NFATC4: variants seen among roughly 807,000 people sequenced by gnomAD.
NFATC4 encodes the protein nuclear factor of activated T-cells, cytoplasmic 4.
NFATC4 carries 25 observed loss-of-function variants against 73.4 expected under a neutral mutation model. That is an observed-to-expected ratio of 0.34 (90% confidence interval 0.25 to 0.48). NFATC4 has a LOEUF of 0.48. Among genes scored for constraint, NFATC4 ranks in the 20% least tolerant of loss-of-function variants. NFATC4 has a pLI of 0.99. For synonymous variants in NFATC4, 523 were observed against 510.3 expected, an observed-to-expected ratio of 1.02 and a Z score of -0.34; for missense variants, 1,130 against 1,203.7, an observed-to-expected ratio of 0.94 and a Z score of 0.91.
chr14:24,367,388 A>G, upstream of NFATC4: 1 of 1,535,678 alleles, frequency 6.5e-7, no homozygotes, highest in Non-Finnish European at 8.7e-7. Flanking sequence ...TCTAGGGAGG[A>G]GGCTGCCAAC....
At chr14:24,370,837 C>A (rs1417752765) in intron 2 of NFATC4, among the ~76,000 whole-genome samples, 1 of 152,204 alleles carries the variant, frequency 6.6e-6, no homozygotes, top group Non-Finnish European at 1.5e-5. Context: ...CCCCTCCACC[C>A]TCCCACCCCT....
Position 24,370,148 on chromosome 14 carries a change from C to G in NFATC4, c.750C>G (p.Leu250=). ...GGCCAGAGGATAGCTGGCTACTCCT[C>G]AGTGCTCCTGGGCCCACCCCAGCCT... ...GRGPEDSWLL[L]SAPGPTPASP... is the part of the protein sequence containing the mutation. Residue 250 remains leucine, a synonymous_variant, in exon 2 of 10, where the codon CTC becomes CTG. Coordinates refer to ENST00000250373, the MANE Select transcript of NFATC4 (RefSeq NM_004554.5). 1 of 1,603,798 alleles carries G rather than the reference C, an allele frequency of 6.2e-7. No individual in the cohort carries two copies. Among genetic ancestry groups the G allele is most frequent in the Non-Finnish European group, 8.5e-7 (1 of 1,179,712 alleles).
chr14:24,375,623 T>C, intron 6 of NFATC4, 37 bp from the exon 7 acceptor site: 1 of 1,550,880 alleles, frequency 6.4e-7, no homozygotes, highest in Non-Finnish European at 8.7e-7. Flanking sequence ...ACAGGGGCGC[T>C]GGAGTTGGGC....
chr14:24,377,850 C>A lies in NFATC4; in HGVS notation c.*145C>A. 1 of 1,463,370 alleles carries A rather than the reference C, an allele frequency of 6.8e-7. No homozygotes were observed. The highest frequency in any genetic ancestry group is 9.1e-7 in the Non-Finnish European group (1 of 1,094,546). The allele number at this position is 1,463,370 out of a possible 1,614,324, so 90.6% of individuals were successfully genotyped here. A position where few individuals can be genotyped will look rare whatever the true frequency, so the allele number is the denominator to read the frequency against. Reference sequence around the variant, plus strand: ...GCTTCTGTCTGTCTCACTGTCTTCCCTCCCCTCCCCCAGCTGAGGTGTGGC... The same window carrying A: ...GCTTCTGTCTGTCTCACTGTCTTCCATCCCCTCCCCCAGCTGAGGTGTGGC... On this transcript the variant is annotated 3_prime_UTR_variant, in exon 10 of 10. Coordinates refer to ENST00000250373, the MANE Select transcript of NFATC4 (RefSeq NM_004554.5). The surrounding 1 kb of genome is among the most constrained non-coding windows in gnomAD (Gnocchi z 4.2).
Position 24,378,565 on chromosome 14 carries a change from T to C in NFATC4, c.*860T>C, listed in dbSNP as rs2042690718. On this transcript the variant is annotated 3_prime_UTR_variant, in exon 10 of 10. Transcript: ENST00000250373. ...CGCTGACTCAGGAGGTCCAGGCCTC[T>C]AAGGCTTCTCTCCCTGGAGTGAGGG... The C allele has an allele frequency of 6.5e-6, 1 of 152,784 alleles. No individual in the cohort carries two copies. Among genetic ancestry groups the C allele is most frequent in the Non-Finnish European group, 1.5e-5 (1 of 68,076 alleles). The allele number at this position is 152,784 out of a possible 1,614,324, so 9.5% of individuals were successfully genotyped here.
chr14:24,377,795 T>C lies in NFATC4; in HGVS notation c.*90T>C. Reference sequence around the variant, plus strand: ...TTCCTGGAGTGGTGGCTACAGAAGCTTGGGGCCAACCCTGGCTCCTCTTTC... The same window carrying C: ...TTCCTGGAGTGGTGGCTACAGAAGCCTGGGGCCAACCCTGGCTCCTCTTTC... On this transcript the variant is annotated 3_prime_UTR_variant, in exon 10 of 10. Transcript: ENST00000250373. This position sits in a 1 kb window ranked among gnomAD's most constrained non-coding sequence, Gnocchi z 4.2. The C allele has an allele frequency of 4.4e-6, 7 of 1,603,676 alleles. No homozygotes were observed. Among genetic ancestry groups the C allele is most frequent in the Non-Finnish European group, 6.0e-6 (7 of 1,173,994 alleles).
chr14:24,375,966 C>T lies in NFATC4; in HGVS notation c.1930-9C>T, dbSNP rs897449309. 1.2e-6 allele frequency: 2 copies of T among 1,613,894 alleles called. No homozygotes were observed. Among genetic ancestry groups the T allele is most frequent in the Admixed American group, 1.7e-5 (1 of 60,018 alleles). ...GAGGGCTCCCTGCCTCATTTTTACT[C>T]TTCCCTAGGTGACGCTGACCCTGAC... On this transcript the variant is annotated splice_polypyrimidine_tract_variant and intron_variant, in intron 7 of 9. Transcript: ENST00000250373.
In NFATC4 at chr14:24,373,855, C is replaced by T. The variant is rs774413775; in HGVS notation, c.1720C>T (p.Pro574Ser). 2 of 1,614,010 alleles carry T rather than the reference C, an allele frequency of 1.2e-6. No homozygotes were observed. The highest frequency in any genetic ancestry group is 3.3e-5 in the Admixed American group (2 of 60,028). Reference protein sequence around the residue: ...KVVSVQAASVPIECSQRSAQE... With the variant: ...KVVSVQAASVSIECSQRSAQE... The stretch of plus-strand genomic sequence containing the variant: ...CGTCTCAGTACAGGCAGCATCGGTG[C>T]CCATCGAGTGCTGTGAGCAAAGAGG... The change falls in exon 5 of 10, where the codon CCC becomes TCC. Residue 574 changes from proline (P) to serine (S), a missense_variant. This residue lies in a region of NFATC4 where 155 missense variants were observed against 221.2 expected (regional missense o/e 0.70). Coordinates refer to ENST00000250373, the MANE Select transcript of NFATC4 (RefSeq NM_004554.5). The surrounding 1 kb of genome is among the most constrained non-coding windows in gnomAD (Gnocchi z 4.7).
At chr14:24,368,546 T>A in intron 1 of NFATC4, 106 bp downstream of exon 1, 29 of 799,790 alleles carry the variant, frequency 3.6e-5, no homozygotes, top group South Asian at 6.1e-5. Context: ...GGTGAGGGAG[T>A]CAGAGGTCGA....
At chr14:24,374,696 G>T in intron 6 of NFATC4, 1 of 466,726 alleles carries the variant, frequency 2.1e-6, no homozygotes, top group African/African-American at 2.0e-5. Context: ...TGCACATTCT[G>T]TCTAATAAAG....
In NFATC4 at chr14:24,370,574, G is replaced by C; in HGVS notation, c.1176G>C (p.Gly392=). Reference sequence around the variant, plus strand: ...TCGCTTGGTCCAAGGCCCGGATTGGGGGACACAGCCCTATCTTCAGGTGAG... The same window carrying C: ...TCGCTTGGTCCAAGGCCCGGATTGGCGGACACAGCCCTATCTTCAGGTGAG... ...SPLAWSKARI[G]GHSPIFRTSA... is the part of the protein sequence containing the mutation. The change falls in exon 2 of 10, where the codon GGG becomes GGC. Residue 392 remains glycine (G), a synonymous_variant. Coordinates refer to ENST00000250373, the MANE Select transcript of NFATC4 (RefSeq NM_004554.5). 6.2e-7 allele frequency: 1 copy of C among 1,610,746 alleles called. No individual in the cohort carries two copies.
intron 6 of NFATC4, 78 bp downstream of exon 6, chr14:24,374,544 T>C: frequency 1.4e-6 from 2 of 1,442,664 alleles, no homozygotes; most frequent in Non-Finnish European, 1.9e-6. Context: ...GCATTGTCAC[T>C]AAACTGGCCA....
chr14:24,377,602 C>T lies in NFATC4; in HGVS notation c.2642-36C>T. 1 of 1,614,076 alleles carries T rather than the reference C, an allele frequency of 6.2e-7. No homozygotes were observed. The highest frequency in any genetic ancestry group is 8.5e-7 in the Non-Finnish European group (1 of 1,179,998). ...GTCTTTGGAAAAGGAGGGGACCCAC[C>T]TCTAGCCCAGTCTCTCAACTGCCCC... On this transcript the variant is annotated intron_variant, in intron 9 of 9. Transcript: ENST00000250373. The surrounding 1 kb of genome is among the most constrained non-coding windows in gnomAD (Gnocchi z 4.2).
chr14:24,373,200 C>T lies in NFATC4; in HGVS notation c.1389C>T (p.Thr463=). The T allele has an allele frequency of 6.2e-7, 1 of 1,614,190 alleles. No homozygotes were observed. The part of the protein sequence containing the change: ...KLLGYSEKPL[T]LQMFIGTADE... ...TAGGCTACAGTGAGAAGCCACTGAC[C>T]CTACAGATGTTCATCGGCACTGCAG... The change falls in exon 4 of 10, where the codon ACC becomes ACT. Residue 463 remains threonine, a synonymous_variant. Coordinates refer to ENST00000250373, the MANE Select transcript of NFATC4 (RefSeq NM_004554.5). This position sits in a 1 kb window ranked among gnomAD's most constrained non-coding sequence, Gnocchi z 4.7.
At chr14:24,368,541 G>A in intron 1 of NFATC4, 101 bp downstream of exon 1, 1 of 1,175,452 alleles carries the variant, frequency 8.5e-7, no homozygotes. Context: ...TGGGGGGTGA[G>A]GGAGTCAGAG....
rs1484891401 is a variant in NFATC4, at chr14:24,370,287, C to A, written c.889C>A (p.Pro297Thr). ...CAGCCTGGGGGAAGAGGGGTCTGAG[C>A]CACCTCCACCACCCCCATTGCCTCT... ...RGSLGEEGSE[P>T]PPPPPLPLAR... The change falls in exon 2 of 10, where the codon CCA becomes ACA. Residue 297 changes from proline to threonine, a missense_variant. Around this residue, in one of 3 missense-constraint regions of NFATC4, gnomAD observed 585 missense variants for 574.3 expected, o/e 1.02. Coordinates refer to ENST00000250373, the MANE Select transcript of NFATC4 (RefSeq NM_004554.5). 2 of 1,611,646 alleles carry A rather than the reference C, an allele frequency of 1.2e-6. No individual in the cohort carries two copies. The highest frequency in any genetic ancestry group is 1.7e-6 in the Non-Finnish European group (2 of 1,178,726).
Position 24,372,570 on chromosome 14 carries a change from C to G in NFATC4, c.1326C>G (p.Val442=). The change falls in exon 3 of 10, where the codon GTC becomes GTG. Residue 442 remains valine (V), a synonymous_variant. Transcript: ENST00000250373. Reference sequence around the variant, plus strand: ...AGACAGAAGGCAGCCGTGGAGCTGTCAAAGCTGCCCCTGGCGGTCACCCCG... The same window carrying G: ...AGACAGAAGGCAGCCGTGGAGCTGTGAAAGCTGCCCCTGGCGGTCACCCCG... The part of the protein sequence containing the change: ...HYETEGSRGA[V]KAAPGGHPVV... 1 of 1,614,064 alleles carries G rather than the reference C, an allele frequency of 6.2e-7. No individual in the cohort carries two copies. The highest frequency in any genetic ancestry group is 1.1e-5 in the South Asian group (1 of 91,078).
rs2042361320 is a variant in NFATC4 at position 24,368,295 on chromosome 14, T to TC, written c.-40dup. 5.8e-6 allele frequency: 8 copies of TC among 1,368,608 alleles called. No individual in the cohort carries two copies. The highest frequency in any genetic ancestry group is 4.6e-5 in the African/African-American group (3 of 64,806). 84.8% of individuals were successfully genotyped at this position (1,368,608 alleles called of 1,614,324 possible). A position where few individuals can be genotyped will look rare whatever the true frequency, so the allele number is the denominator to read the frequency against. Reference sequence around the variant, plus strand: ...GTGAAGATACAGCAGCCTCCTGAACTCCCCCCTCCCACCCAGGCCGGGACC... The same window carrying TC: ...GTGAAGATACAGCAGCCTCCTGAACTCCCCCCCTCCCACCCAGGCCGGGACC... On this transcript the variant is annotated 5_prime_UTR_variant, in exon 1 of 10. Coordinates refer to ENST00000250373, the MANE Select transcript of NFATC4 (RefSeq NM_004554.5).
chr14:24,369,669 A>G lies in NFATC4; in HGVS notation c.271A>G (p.Arg91Gly). Residue 91 changes from arginine (R) to glycine (G), a missense_variant, in exon 2 of 10, where the codon AGG becomes GGG. Physicochemically the swap from Arg to Gly is moderately radical, Grantham distance 125. This residue lies in a region of NFATC4 where 585 missense variants were observed against 574.3 expected (regional missense o/e 1.02). Transcript: ENST00000250373. ...SPGTWESQPA[R>G]SVRLGGPGGG... ...TGGCACCTGGGAGAGCCAGCCCGCC[A>G]GGTCGGTGAGGCTGGGAGGACCAGG... The G allele has an allele frequency of 1.2e-6, 2 of 1,612,808 alleles. No homozygotes were observed. Among genetic ancestry groups the G allele is most frequent in the African/African-American group, 1.3e-5 (1 of 75,020 alleles).
Sources: allele counts gnomAD v4.1 joint callset (sites outside exome capture counted in the v4.1 genomes callset), GRCh38; gene constraint gnomAD v4.1.1; regional missense constraint gnomAD v4.1.1; non-coding constraint Gnocchi (gnomAD v3.1); transcripts MANE v1.5; gene names NCBI Gene and HGNC (gene_info 2026-07-23, HGNC 2026-07-21).